ABCB4: variants seen among roughly 807,000 people sequenced by gnomAD.
ABCB4 encodes the protein ATP binding cassette subfamily B member 4.
A neutral mutation model predicts 145.7 loss-of-function variants in ABCB4; 76 were observed. The ratio of observed to expected loss-of-function variants is 0.52; its 90% CI spans 0.43 to 0.63. The LOEUF (loss-of-function observed/expected upper bound fraction) is 0.63. Among genes scored for constraint, ABCB4 ranks in the 30% least tolerant of loss-of-function variants. ABCB4 has a pLI of 0.00. For synonymous variants in ABCB4, 517 were observed against 566.8 expected, an observed-to-expected ratio of 0.91 and a Z score of 1.25; for missense variants, 1,234 against 1,553.1, an observed-to-expected ratio of 0.79 and a Z score of 3.45.
chr7:87,403,066 C>T (rs554706447), intron 27 of ABCB4, 69 bp downstream of exon 27: 2 of 1,545,786 alleles, frequency 1.3e-6, no homozygotes, highest in East Asian at 4.5e-5. Flanking sequence ...GTGTTTTTTT[C>T]ATGGTTGACA....
At chr7:87,473,332 C>G (rs962337262) in intron 2 of ABCB4, among the ~76,000 whole-genome samples, 5 of 152,226 alleles carry the variant, frequency 3.3e-5, no homozygotes, top group Non-Finnish European at 5.9e-5. Flanking sequence ...TATTTCCTCT[C>G]TGACCACATC....
chr7:87,460,808 G>A (rs1812409140), intron 4 of ABCB4, among the ~76,000 whole-genome samples: 1 of 151,978 alleles, frequency 6.6e-6, no homozygotes, highest in Admixed American at 6.6e-5. Context: ...TTTTATAGGT[G>A]TGTAGTATTC....
intron 14 of ABCB4, among the ~76,000 whole-genome samples, chr7:87,437,039 C>A (rs1391853696): frequency 6.6e-6 from 1 of 152,156 alleles, no homozygotes; most frequent in African/African-American, 2.4e-5. Flanking sequence ...CCTTCTTTTG[C>A]ATGTGGAAGA....
intron 15 of ABCB4, among the ~76,000 whole-genome samples, chr7:87,429,038 T>C (rs893529451): frequency 6.6e-6 from 1 of 152,190 alleles, no homozygotes; most frequent in African/African-American, 2.4e-5. Flanking sequence ...GTGATACTTG[T>C]TAGAAACAAT....
intron 7 of ABCB4, 119 bp from the exon 8 acceptor site, chr7:87,450,211 C>T (rs1231949417): frequency 7.2e-7 from 1 of 1,384,870 alleles, no homozygotes. Flanking sequence ...ATATTAAAGT[C>T]ATGTAGCAAA....
At chr7:87,419,352 G>A (rs1479968677) in intron 19 of ABCB4, among the ~76,000 whole-genome samples, 1 of 152,076 alleles carries the variant, frequency 6.6e-6, no homozygotes, top group Admixed American at 6.6e-5. Context: ...CCCTCTCTTA[G>A]GCATTTTCTA....
intron 7 of ABCB4, 67 bp downstream of exon 7, chr7:87,451,556 C>G (rs906304049): frequency 1.9e-6 from 3 of 1,577,512 alleles, no homozygotes; most frequent in East Asian, 4.5e-5. Flanking sequence ...AAGTACGAGA[C>G]TTCTGCATAT....
At chr7:87,431,158 C>G (rs1810189267) in intron 15 of ABCB4, among the ~76,000 whole-genome samples, 1 of 152,146 alleles carries the variant, frequency 6.6e-6, no homozygotes, top group Non-Finnish European at 1.5e-5. Context: ...TTTAGTTTGA[C>G]CACATTCCCC....
rs1811881644 is a variant in ABCB4 at position 87,453,265 on chromosome 7, C to A, written c.345-130G>T. The A allele has an allele frequency of 6.2e-6, 5 of 808,188 alleles. No homozygotes were observed. In the East Asian group the frequency reaches 8.1e-5, roughly 13 times the overall value. The allele number at this position is 808,188 out of a possible 1,614,324, so 50.1% of individuals were successfully genotyped here. ...GTGGCACCATCTCAGCTCACTGCAA[C>A]CTCCGCCTCCTGGATTCAAGTGATT... On this transcript the variant is annotated intron_variant, in intron 5 of 27. Coordinates refer to ENST00000649586, the MANE Select transcript of ABCB4 (RefSeq NM_000443.4).
intron 12 of ABCB4, among the ~76,000 whole-genome samples, chr7:87,440,903 G>A (rs953133201): frequency 2.0e-5 from 3 of 151,992 alleles, no homozygotes; most frequent in African/African-American, 7.3e-5. Context: ...ACCATGCCCG[G>A]CTAATTTTCT....
chr7:87,382,254 C>A, the ABCB4 span: 1 of 1,436,044 alleles, frequency 7.0e-7, no homozygotes, highest in South Asian at 1.2e-5. Flanking sequence ...ATTTGGCTGT[C>A]ATCCAAGCAT....
intron 24 of ABCB4, 110 bp downstream of exon 24, chr7:87,409,125 TG>T (rs1432768354): frequency 4.2e-5 from 54 of 1,298,282 alleles, no homozygotes; most frequent in Non-Finnish European, 2.1e-5. Flanking sequence ...ACAAATTAAA[TG>T]AAACACATGT....
At chr7:87,382,185 T>C in the ABCB4 span, 1 of 1,585,398 alleles carries the variant, frequency 6.3e-7, no homozygotes, top group Non-Finnish European at 8.6e-7. Flanking sequence ...CAGGGAGGTA[T>C]ATTTTTCACT....
chr7:87,426,752 G>T lies in ABCB4; in HGVS notation c.2062C>A (p.Leu688Ile). 1 of 1,613,596 alleles carries T rather than the reference G, an allele frequency of 6.2e-7. No homozygotes were observed. Reference sequence around the variant, plus strand: ...AATTTAAGTGAAAAACAACTTACAAGTCCATCGGTTTCCACATCAAGGCTC... The same window carrying T: ...AATTTAAGTGAAAAACAACTTACAATTCCATCGGTTTCCACATCAAGGCTC... ...QKSLDVETDG[L>I]EANVPPVSFL... is the part of the protein sequence containing the mutation. Residue 688 changes from leucine (L) to isoleucine (I), a missense_variant and splice_region_variant, in exon 16 of 28, where the codon CTT (leucine) becomes ATT (isoleucine). Transcript: ENST00000649586.
the ABCB4 span, among the ~76,000 whole-genome samples, chr7:87,378,480 G>T: frequency 6.6e-6 from 1 of 152,146 alleles, no homozygotes; most frequent in Non-Finnish European, 1.5e-5. Context: ...GGGTAAAGCT[G>T]ACTTCAATGT....
At chr7:87,453,401 C>A (rs1811892211) in intron 5 of ABCB4, among the ~76,000 whole-genome samples, 1 of 152,066 alleles carries the variant, frequency 6.6e-6, no homozygotes, top group Admixed American at 6.6e-5. Flanking sequence ...CCAGGCTGGT[C>A]TCGAACTCCT....
At chr7:87,381,910 C>T in the ABCB4 span, 4 of 1,597,986 alleles carry the variant, frequency 2.5e-6, no homozygotes, top group East Asian at 9.0e-5. Context: ...CTCATTTTAG[C>T]ATGCTCCTTT....
the ABCB4 span, chr7:87,391,720 T>A: frequency 6.3e-7 from 1 of 1,599,506 alleles, no homozygotes; most frequent in South Asian, 1.1e-5. Context: ...AATGTGAGTA[T>A]TGGAAAGGAA....
chr7:87,406,219 G>T, intron 26 of ABCB4, 69 bp downstream of exon 26: 1 of 1,486,148 alleles, frequency 6.7e-7, no homozygotes, highest in Non-Finnish European at 9.4e-7. Flanking sequence ...GATTTTGTTG[G>T]CATAACTTTG....
Sources: allele counts gnomAD v4.1 joint callset (sites outside exome capture counted in the v4.1 genomes callset), GRCh38; gene constraint gnomAD v4.1.1; transcripts MANE v1.5; gene names NCBI Gene and HGNC (gene_info 2026-07-23, HGNC 2026-07-21).